Variants in CLIC5 observed in about 807,000 individuals in gnomAD.
CLIC5 encodes the protein chloride intracellular channel protein 5.
CLIC5 carries 20 observed loss-of-function variants against 24.7 expected under a neutral mutation model. The ratio of observed to expected loss-of-function variants is 0.81; its 90% CI spans 0.57 to 1.18. The LOEUF is 1.18. Among genes scored for constraint, CLIC5 ranks in the 50% most tolerant of loss-of-function variants. The probability of loss-of-function intolerance (pLI) is 0.00; values close to 1 mark genes in which losing one functional copy is unlikely to be tolerated. For synonymous variants in CLIC5, 159 were observed against 135.6 expected (o/e 1.17, Z -1.20); for missense variants, 341 against 326.1 (o/e 1.05, Z -0.35).
At chr6:45,928,919 A>G (rs1364471049) in intron 4 of CLIC5, among the ~76,000 whole-genome samples, 1 of 152,194 alleles carries the variant, frequency 6.6e-6, no homozygotes, top group African/African-American at 2.4e-5. Context: ...ACTCATGTGC[A>G]AATCAGTTAT....
At chr6:46,103,832 A>G in the CLIC5 span, among the ~76,000 whole-genome samples, 1 of 151,696 alleles carries the variant, frequency 6.6e-6, no homozygotes, top group East Asian at 1.9e-4. Context: ...CCAAAGCTCC[A>G]CTCTTCTGGA....
At chr6:46,119,907 G>A in the CLIC5 span, among the ~76,000 whole-genome samples, 1,685 of 152,316 alleles carry the variant, frequency 0.011, 12 homozygotes, top group South Asian at 0.018. Context: ...CCACTGTGAG[G>A]CTTGAGTAGG....
chr6:46,019,642 C>T (rs536925456), upstream of CLIC5, among the ~76,000 whole-genome samples: 6 of 144,614 alleles, frequency 4.1e-5, no homozygotes, highest in Admixed American at 6.9e-5. Context: ...GCCGAGATTG[C>T]GCCACTGCAG....
chr6:46,019,250 T>G (rs1337915944), upstream of CLIC5, among the ~76,000 whole-genome samples: 1 of 152,098 alleles, frequency 6.6e-6, no homozygotes, highest in Non-Finnish European at 1.5e-5. Flanking sequence ...GCACATAAAT[T>G]AAAAGCTGAA....
intron 1 of CLIC5, among the ~76,000 whole-genome samples, chr6:46,026,413 A>G (rs1455449232): frequency 6.6e-6 from 1 of 152,172 alleles, no homozygotes; most frequent in East Asian, 1.9e-4. Context: ...GAGGAAATTC[A>G]TTTCTGTAGC....
At chr6:45,968,149 C>T (rs1765078061) in intron 1 of CLIC5, among the ~76,000 whole-genome samples, 1 of 152,208 alleles carries the variant, frequency 6.6e-6, no homozygotes, top group South Asian at 2.1e-4. Flanking sequence ...TGCTCATCTT[C>T]TGGGGGTCTC....
At chr6:46,127,729 G>A in the CLIC5 span, among the ~76,000 whole-genome samples, 1 of 152,150 alleles carries the variant, frequency 6.6e-6, no homozygotes, top group Non-Finnish European at 1.5e-5. Flanking sequence ...TTTAAGATGT[G>A]GACTGCATTG....
At chr6:45,939,966 T>C (rs942793787) in intron 4 of CLIC5, among the ~76,000 whole-genome samples, 2 of 152,124 alleles carry the variant, frequency 1.3e-5, no homozygotes, top group Non-Finnish European at 2.9e-5. Context: ...CACATGCTTC[T>C]TCTTATTTCC....
intron 4 of CLIC5, among the ~76,000 whole-genome samples, chr6:45,922,420 G>A (rs1763298943): frequency 6.6e-6 from 1 of 152,150 alleles, no homozygotes; most frequent in Non-Finnish European, 1.5e-5. Context: ...AAGCTCTATA[G>A]GGGATTCTTA....
In CLIC5 at chr6:46,057,148, C is replaced by G. The variant is rs185751588; in HGVS notation, c.540+22555G>C. Among the ~76,000 whole-genome samples the G allele has an allele frequency of 3.9e-5, 6 of 152,322 alleles. No individual in the cohort carries two copies. In the East Asian group the frequency reaches 1.2e-3, roughly 29 times the overall value. On this transcript the variant is annotated intron_variant, in intron 1 of 5. Transcript: ENST00000185206. ...CATCTGAGCCTGCTAATTGGTCTGC[C>G]TGTGATATGGTTTGGCTGTGTCCTC...
upstream of CLIC5, among the ~76,000 whole-genome samples, chr6:46,082,631 G>C (rs6921826): frequency 0.59 from 89,484 of 151,872 alleles, 26,507 homozygotes; most frequent in Middle Eastern, 0.77. Context: ...TTCTCTCTAA[G>C]AGAACACACA....
chr6:46,062,325 A>C (rs1302046109), intron 1 of CLIC5, among the ~76,000 whole-genome samples: 4 of 152,382 alleles, frequency 2.6e-5, no homozygotes, highest in South Asian at 2.1e-4. Context: ...AACAAAAGGC[A>C]TTCATGCCAG....
the CLIC5 span, among the ~76,000 whole-genome samples, chr6:46,114,369 T>C: frequency 1.3e-5 from 2 of 152,190 alleles, no homozygotes; most frequent in Non-Finnish European, 2.9e-5. Flanking sequence ...GCACTGCTCA[T>C]TACCGTCACC....
chr6:46,100,710 A>G, the CLIC5 span, among the ~76,000 whole-genome samples: 92 of 152,334 alleles, frequency 6.0e-4, no homozygotes, highest in South Asian at 4.6e-3. Context: ...TTAAGGCAAT[A>G]TGAAAGAATT....
intron 4 of CLIC5, among the ~76,000 whole-genome samples, chr6:45,924,886 G>T (rs1763416652): frequency 6.6e-6 from 1 of 152,178 alleles, no homozygotes; most frequent in South Asian, 2.1e-4. Flanking sequence ...GATATCGGTA[G>T]AAATTAATCA....
At chr6:46,072,813 A>G (rs116021592) in intron 1 of CLIC5, among the ~76,000 whole-genome samples, 1 of 152,172 alleles carries the variant, frequency 6.6e-6, no homozygotes, top group Non-Finnish European at 1.5e-5. Context: ...CCAGGCAGGG[A>G]AAGTGGAAAG....
chr6:46,074,348 A>T (rs1762708484), intron 1 of CLIC5, among the ~76,000 whole-genome samples: 1 of 152,156 alleles, frequency 6.6e-6, no homozygotes, highest in Non-Finnish European at 1.5e-5. Flanking sequence ...GACCCCTATA[A>T]CCACATCAGG....
chr6:45,983,330 C>A (rs7764538), intron 1 of CLIC5, among the ~76,000 whole-genome samples: 1 of 151,966 alleles, frequency 6.6e-6, no homozygotes, highest in Non-Finnish European at 1.5e-5. Context: ...ATGCACAGAG[C>A]CACCAAAGTG....
intron 4 of CLIC5, chr6:45,920,187 T>G (rs1254739524): frequency 2.0e-6 from 2 of 978,380 alleles, no homozygotes; most frequent in African/African-American, 3.5e-5. Flanking sequence ...CAGATATAAT[T>G]CTTAGTACTT....
Sources: allele counts gnomAD v4.1 joint callset (sites outside exome capture counted in the v4.1 genomes callset), GRCh38; gene constraint gnomAD v4.1.1; transcripts MANE v1.5; gene names NCBI Gene and HGNC (gene_info 2026-07-23, HGNC 2026-07-21).